GRIA4: variants seen among roughly 807,000 people sequenced by gnomAD.
GRIA4 encodes the protein glutamate receptor 4.
GRIA4 carries 34 observed loss-of-function variants against 104.0 expected under a neutral mutation model. That is an observed-to-expected ratio of 0.33 (90% confidence interval 0.25 to 0.44). The LOEUF (loss-of-function observed/expected upper bound fraction) is 0.44. Among genes scored for constraint, GRIA4 ranks in the 20% least tolerant of loss-of-function variants. GRIA4 has a pLI of 1.00. For synonymous variants in GRIA4, 386 were observed against 381.9 expected (o/e 1.01, Z -0.13); for missense variants, 750 against 1,096.5 (o/e 0.68, Z 4.46).
At chr11:105,860,219 A>G (rs1945168725) in intron 4 of GRIA4, among the ~76,000 whole-genome samples, 1 of 152,182 alleles carries the variant, frequency 6.6e-6, no homozygotes, top group Admixed American at 6.5e-5. Context: ...CAGATAATTT[A>G]TATTTCAAAT....
rs150606932 is a variant in GRIA4 at position 105,863,707 on chromosome 11, C to A, written c.672+1499C>A. 3.6e-3 allele frequency among the ~76,000 whole-genome samples: 548 copies of A among 152,270 alleles called. 3 individuals carry two copies. The highest frequency in any genetic ancestry group is 0.013 in the African/African-American group (524 of 41,548). Reference sequence around the variant, plus strand: ...ATAACTCACGATGAATCCCACAGAGCAGCCAATTCTAAGAACTGCCTGGAT... The same window carrying A: ...ATAACTCACGATGAATCCCACAGAGAAGCCAATTCTAAGAACTGCCTGGAT... On this transcript the variant is annotated intron_variant, in intron 5 of 16. Transcript: ENST00000282499.
intron 13 of GRIA4, among the ~76,000 whole-genome samples, chr11:105,930,730 A>C (rs1190153054): frequency 1.3e-5 from 2 of 152,114 alleles, no homozygotes; most frequent in Non-Finnish European, 2.9e-5. Context: ...TCCTTTAATA[A>C]ACCACTTATT....
rs565974328 is a variant in GRIA4 at position 105,812,715 on chromosome 11, C to A, written c.488-49309C>A. Among the ~76,000 whole-genome samples the A allele has an allele frequency of 1.4e-4, 21 of 152,108 alleles. No individual in the cohort carries two copies. In the East Asian group the frequency reaches 3.9e-3, roughly 28 times the overall value. On this transcript the variant is annotated intron_variant, in intron 4 of 16. Transcript: ENST00000282499. Reference sequence around the variant, plus strand: ...AGAACTCTGGGCTTCTGAATCATACCCTACTCGCTAAATCATTCTGCTCAT... The same window carrying A: ...AGAACTCTGGGCTTCTGAATCATACACTACTCGCTAAATCATTCTGCTCAT...
rs762165110 is a variant in GRIA4 at position 105,911,914 on chromosome 11, A to G, written c.1269+1369A>G. 8.2e-5 allele frequency: 128 copies of G among 1,564,696 alleles called. No homozygotes were observed. The Admixed American group carries it at 2.2e-3, about 26-fold the overall frequency. On this transcript the variant is annotated intron_variant, in intron 10 of 16. Coordinates refer to ENST00000282499, the MANE Select transcript of GRIA4 (RefSeq NM_000829.4). ...ATCCTATTTTAAGAAATTGATCAAG[A>G]AAGAAAAGAGTTCCGCGCTGTTCGA...
chr11:105,813,060 C>T (rs1334497425), intron 4 of GRIA4, among the ~76,000 whole-genome samples: 9 of 139,948 alleles, frequency 6.4e-5, no homozygotes, highest in Non-Finnish European at 1.1e-4. Context: ...TGCCACTGCA[C>T]TCCAGCCTGG....
intron 3 of GRIA4, among the ~76,000 whole-genome samples, chr11:105,718,669 G>C (rs569022469): frequency 6.6e-6 from 1 of 152,310 alleles, no homozygotes; most frequent in South Asian, 2.1e-4. Context: ...TGGTGGTAAT[G>C]GTGGTGTCTC....
intron 5 of GRIA4, among the ~76,000 whole-genome samples, chr11:105,871,351 G>A (rs537751423): frequency 6.6e-6 from 1 of 151,930 alleles, no homozygotes; most frequent in African/African-American, 2.4e-5. Flanking sequence ...TGACTGGCCT[G>A]TGGACAAATA....
chr11:105,681,908 C>T (rs1157746720), intron 3 of GRIA4, among the ~76,000 whole-genome samples: 2 of 151,896 alleles, frequency 1.3e-5, no homozygotes, highest in Non-Finnish European at 2.9e-5. Flanking sequence ...CAAGCATGGT[C>T]GTGGGCGCCT....
chr11:105,902,734 CT>C (rs1415340584), intron 7 of GRIA4, among the ~76,000 whole-genome samples: 6 of 152,212 alleles, frequency 3.9e-5, no homozygotes, highest in Non-Finnish European at 2.9e-5. Context: ...CACAAATCTA[CT>C]GCTCAAACAG....
At chr11:105,846,208 AATT>A (rs1383100073) in intron 4 of GRIA4, among the ~76,000 whole-genome samples, 2 of 152,208 alleles carry the variant, frequency 1.3e-5, no homozygotes, top group Admixed American at 1.3e-4. Flanking sequence ...CTGTGTCAAT[AATT>A]CTAAAAATTA....
intron 3 of GRIA4, among the ~76,000 whole-genome samples, chr11:105,655,650 A>G (rs532624983): frequency 3.1e-4 from 47 of 152,238 alleles, no homozygotes; most frequent in African/African-American, 1.1e-3. Context: ...ATGTCCCTGC[A>G]AGGGACAGGA....
intron 3 of GRIA4, among the ~76,000 whole-genome samples, chr11:105,738,938 A>AC (rs1266130000): frequency 1.8e-5 from 2 of 114,048 alleles, no homozygotes; most frequent in African/African-American, 5.4e-5. Context: ...AACAAAAAAA[A>AC]AAAAAACAAA....
At chr11:105,955,477 T>C (rs922193911) in intron 14 of GRIA4, among the ~76,000 whole-genome samples, 4 of 152,242 alleles carry the variant, frequency 2.6e-5, no homozygotes, top group Non-Finnish European at 5.9e-5. Flanking sequence ...GGCTGCATAG[T>C]ATTCTGTGGT....
intron 4 of GRIA4, among the ~76,000 whole-genome samples, chr11:105,759,390 A>T (rs1940491624): frequency 6.6e-6 from 1 of 152,172 alleles, no homozygotes; most frequent in Non-Finnish European, 1.5e-5. Context: ...CTTCGCAGGC[A>T]TCCCTTCCTC....
At chr11:105,614,639 C>T (rs763828417) in intron 3 of GRIA4, among the ~76,000 whole-genome samples, 24 of 151,764 alleles carry the variant, frequency 1.6e-4, no homozygotes, top group Middle Eastern at 6.9e-3. Context: ...ATTGATTTTG[C>T]GTATGTTTAA....
At chr11:105,701,917 AT>A (rs1192254313) in intron 3 of GRIA4, among the ~76,000 whole-genome samples, 1 of 152,052 alleles carries the variant, frequency 6.6e-6, no homozygotes, top group Non-Finnish European at 1.5e-5. Flanking sequence ...ATATACCAAT[AT>A]TTTTCTCTAG....
chr11:105,803,757 A>G (rs913093300), intron 4 of GRIA4, among the ~76,000 whole-genome samples: 2 of 151,394 alleles, frequency 1.3e-5, no homozygotes, highest in African/African-American at 2.4e-5. Flanking sequence ...AACCTCAAAA[A>G]TGTAGGAAAG....
chr11:105,917,920 C>T (rs1947457203), intron 10 of GRIA4, among the ~76,000 whole-genome samples: 1 of 148,024 alleles, frequency 6.8e-6, no homozygotes, highest in African/African-American at 2.5e-5. Context: ...GGATTTTCAC[C>T]ATAATTATTC....
At chr11:105,865,868 G>C (rs1428775337) in intron 5 of GRIA4, among the ~76,000 whole-genome samples, 2 of 152,150 alleles carry the variant, frequency 1.3e-5, no homozygotes, top group Non-Finnish European at 2.9e-5. Context: ...CTTAAGGCTA[G>C]TGGTTGCTCA....
Sources: gnomAD v4.1 joint callset for allele counts (sites outside exome capture counted in the v4.1 genomes callset) on GRCh38, gnomAD v4.1.1 for gene constraint, MANE v1.5 for transcripts, NCBI Gene and HGNC (gene_info 2026-07-23, HGNC 2026-07-21) for gene names.